PTPRK: variants seen among roughly 807,000 people sequenced by gnomAD.
The protein encoded by PTPRK is receptor-type tyrosine-protein phosphatase kappa.
In PTPRK, 75 loss-of-function variants were observed where a neutral mutation model predicts 178.0. The ratio of observed to expected loss-of-function variants is 0.42; its 90% confidence interval spans 0.35 to 0.51. The LOEUF is 0.51. Among genes scored for constraint, PTPRK ranks in the 20% least tolerant of loss-of-function variants. The probability of loss-of-function intolerance (pLI) is 0.02; values close to 1 mark genes in which losing one functional copy is unlikely to be tolerated. For missense variants in PTPRK, 1,441 were observed against 1,797.8 expected, an observed-to-expected ratio of 0.80 and a Z score of 3.59; for synonymous variants, 637 against 620.6, an observed-to-expected ratio of 1.03 and a Z score of -0.39.
At chr6:128,064,146 T>G (rs908259363) in intron 13 of PTPRK, among the ~76,000 whole-genome samples, 1 of 152,186 alleles carries the variant, frequency 6.6e-6, no homozygotes, top group African/African-American at 2.4e-5. Context: ...CACTTGGAAC[T>G]CTAAATATTC....
chr6:128,299,378 G>A (rs1469656366), intron 3 of PTPRK, among the ~76,000 whole-genome samples: 1 of 151,780 alleles, frequency 6.6e-6, no homozygotes, highest in East Asian at 1.9e-4. Context: ...CTACTTTAAA[G>A]TTCATATGGA....
chr6:128,360,039 A>G (rs1834520309), intron 2 of PTPRK, among the ~76,000 whole-genome samples: 1 of 152,150 alleles, frequency 6.6e-6, no homozygotes, highest in African/African-American at 2.4e-5. Context: ...TCAAAATAAA[A>G]ACTAGTTATC....
At chr6:128,076,295 T>C (rs997472158) in intron 11 of PTPRK, among the ~76,000 whole-genome samples, 9 of 151,936 alleles carry the variant, frequency 5.9e-5, no homozygotes, top group Non-Finnish European at 1.2e-4. Flanking sequence ...CAGTTGCTGG[T>C]AGGGAGACTG....
intron 1 of PTPRK, chr6:128,472,582 C>A: frequency 5.6e-6 from 1 of 179,412 alleles, no homozygotes; most frequent in Non-Finnish European, 1.2e-5. Context: ...TATGTATTTC[C>A]CATCTTTACA....
At chr6:128,407,638 A>AAAC (rs2128376423) in intron 1 of PTPRK, among the ~76,000 whole-genome samples, 1 of 135,044 alleles carries the variant, frequency 7.4e-6, no homozygotes, top group South Asian at 2.3e-4. Flanking sequence ...CCTATCAAAA[A>AAAC]AAAAAAAAAA....
At chr6:128,334,926 A>G (rs1011090418) in intron 2 of PTPRK, among the ~76,000 whole-genome samples, 2 of 152,082 alleles carry the variant, frequency 1.3e-5, no homozygotes, top group Non-Finnish European at 2.9e-5. Flanking sequence ...TGTCTCTACT[A>G]AAAATACAAA....
chr6:127,990,512 T>C (rs144765076), intron 21 of PTPRK, among the ~76,000 whole-genome samples: 2 of 152,280 alleles, frequency 1.3e-5, no homozygotes, highest in African/African-American at 4.8e-5. Flanking sequence ...TCATGATGTA[T>C]GATATATTAG....
chr6:128,029,051 C>A (rs1294274067), intron 13 of PTPRK, among the ~76,000 whole-genome samples: 1 of 152,118 alleles, frequency 6.6e-6, no homozygotes, highest in Non-Finnish European at 1.5e-5. Context: ...CCCTCCAAAT[C>A]TCATGCTGAG....
chr6:128,218,165 C>G (rs926073165), intron 6 of PTPRK, among the ~76,000 whole-genome samples: 2 of 152,130 alleles, frequency 1.3e-5, no homozygotes, highest in Non-Finnish European at 2.9e-5. Context: ...TTTTTAACAC[C>G]TGTCTATATA....
At chr6:128,093,477 C>T (rs967174310) in intron 7 of PTPRK, among the ~76,000 whole-genome samples, 1 of 150,440 alleles carries the variant, frequency 6.6e-6, no homozygotes, top group Non-Finnish European at 1.5e-5. Flanking sequence ...TGCCTGTAGT[C>T]CTGGTTACTG....
intron 1 of PTPRK, among the ~76,000 whole-genome samples, chr6:128,464,660 T>TATATACAC (rs1849609062): frequency 9.1e-6 from 1 of 109,458 alleles, no homozygotes; most frequent in Non-Finnish European, 1.8e-5. Flanking sequence ...TATATATATA[T>TATATACAC]ATATATATAT....
chr6:128,480,369 T>C (rs919275428), intron 1 of PTPRK, among the ~76,000 whole-genome samples: 20 of 151,706 alleles, frequency 1.3e-4, no homozygotes, highest in Non-Finnish European at 2.9e-4. Flanking sequence ...TCTTCAGTAT[T>C]ACTTTTGTCC....
chr6:128,222,965 A>C (rs1338970357), intron 5 of PTPRK, among the ~76,000 whole-genome samples: 1 of 152,126 alleles, frequency 6.6e-6, no homozygotes, highest in Non-Finnish European at 1.5e-5. Flanking sequence ...ATCAGCTCAT[A>C]TATACTCTTC....
intron 6 of PTPRK, among the ~76,000 whole-genome samples, chr6:128,210,957 T>C (rs1346610412): frequency 1.3e-5 from 2 of 151,922 alleles, no homozygotes; most frequent in Admixed American, 1.3e-4. Flanking sequence ...CAAGCAACAA[T>C]AAAGAAAAAC....
chr6:128,040,723 G>A (rs1266010574), intron 13 of PTPRK, among the ~76,000 whole-genome samples: 1 of 152,094 alleles, frequency 6.6e-6, no homozygotes, highest in East Asian at 1.9e-4. Flanking sequence ...AATGTGATGA[G>A]TATCACTTTG....
intron 5 of PTPRK, 101 bp downstream of exon 5, chr6:128,239,934 C>T (rs771870274): frequency 4.8e-6 from 4 of 839,506 alleles, no homozygotes; most frequent in Non-Finnish European, 7.7e-6. Context: ...TGCACACGCA[C>T]ACACACACAC....
At chr6:128,493,537 G>A (rs1319178620) in intron 1 of PTPRK, among the ~76,000 whole-genome samples, 1 of 149,874 alleles carries the variant, frequency 6.7e-6, no homozygotes. Context: ...GCTCCAGCTG[G>A]GTGAAAGAGC....
At chr6:128,005,026 G>T (rs1430214686) in intron 15 of PTPRK, 58 bp downstream of exon 15, 63 of 1,444,660 alleles carry the variant, frequency 4.4e-5, no homozygotes, top group Non-Finnish European at 5.1e-5. Flanking sequence ...GTATCGTGTA[G>T]AATTCAAAGT....
At chr6:128,313,629 G>A (rs1381926479) in intron 3 of PTPRK, among the ~76,000 whole-genome samples, 1 of 152,178 alleles carries the variant, frequency 6.6e-6, no homozygotes, top group Non-Finnish European at 1.5e-5. Context: ...TAGAGTAGTT[G>A]CCTGAGGCTA....
Sources: gnomAD v4.1 joint callset for allele counts (sites outside exome capture counted in the v4.1 genomes callset) on GRCh38, gnomAD v4.1.1 for gene constraint, MANE v1.5 for transcripts, NCBI Gene and HGNC (gene_info 2026-07-23, HGNC 2026-07-21) for gene names.